Variants in C1orf146 observed in about 807,000 individuals in gnomAD.
C1orf146 encodes chromosome 1 open reading frame 146.
A neutral mutation model predicts 23.0 loss-of-function variants in C1orf146; 22 were observed. The observed-to-expected ratio is 0.96, with a 90% CI of 0.68 to 1.36. The LOEUF (loss-of-function observed/expected upper bound fraction) is 1.36, where lower values mean the gene tolerates loss of function less well. Ranked by LOEUF, C1orf146 falls within the 40% of genes most tolerant of loss-of-function variation. The probability of loss-of-function intolerance (pLI) is 0.00; values close to 1 mark genes in which losing one functional copy is unlikely to be tolerated. For synonymous variants in C1orf146, 59 were observed against 65.3 expected (o/e 0.90, Z 0.47); for missense variants, 199 against 206.8 (o/e 0.96, Z 0.23).
intron 1 of C1orf146, among the ~76,000 whole-genome samples, chr1:92,226,026 A>T (rs907566604): frequency 2.6e-5 from 4 of 152,226 alleles, no homozygotes; most frequent in African/African-American, 4.8e-5. Flanking sequence ...AAATTGAGAT[A>T]TAAGTCATGT....
At chr1:92,218,450 C>T (rs1396265257) in intron 1 of C1orf146, among the ~76,000 whole-genome samples, 1 of 152,068 alleles carries the variant, frequency 6.6e-6, no homozygotes, top group Admixed American at 6.5e-5. Context: ...TTTGCAAACA[C>T]TCCAGAGCTT....
At chr1:92,229,289 C>G (rs762497520) in intron 1 of C1orf146, 16 of 552,924 alleles carry the variant, frequency 2.9e-5, no homozygotes, top group Non-Finnish European at 5.9e-5. Flanking sequence ...CCACATCACA[C>G]TTCATGATGC....
At chr1:92,240,984 A>G (rs1366680323) in intron 2 of C1orf146, 6 of 453,452 alleles carry the variant, frequency 1.3e-5, no homozygotes, top group Non-Finnish European at 2.3e-5. Context: ...TACATGTTTT[A>G]TGACTCATCT....
At position 92,225,978 on chromosome 1, in the gene C1orf146, A is replaced by C. The variant is rs1651955755; in HGVS notation, c.-39-5404A>C. Among the ~76,000 whole-genome samples, 3 of 152,310 alleles carry C rather than the reference A, an allele frequency of 2.0e-5. No individual in the cohort carries two copies. In the South Asian group the frequency reaches 6.2e-4, roughly 32 times the overall value. ...TCTTATCCATTCACATTTTAATGTA[A>C]TTACTCAGTATTGCTGACTGCTATT... On this transcript the variant is annotated intron_variant, in intron 1 of 5. Transcript: ENST00000370375.
At chr1:92,229,779 A>G (rs1233154120) in intron 1 of C1orf146, among the ~76,000 whole-genome samples, 1 of 152,228 alleles carries the variant, frequency 6.6e-6, no homozygotes, top group Non-Finnish European at 1.5e-5. Flanking sequence ...TACATAGCCA[A>G]CAAAGGACTG....
At chr1:92,219,972 T>A (rs1651780524) in intron 1 of C1orf146, among the ~76,000 whole-genome samples, 1 of 152,248 alleles carries the variant, frequency 6.6e-6, no homozygotes, top group South Asian at 2.1e-4. Context: ...ATTATAATGC[T>A]ATTTTATTTT....
intron 1 of C1orf146, among the ~76,000 whole-genome samples, chr1:92,230,780 T>A (rs973029597): frequency 3.9e-5 from 6 of 151,920 alleles, no homozygotes; most frequent in African/African-American, 1.2e-4. Flanking sequence ...TAAAAAAAAA[T>A]GCAAATATTC....
In C1orf146 at chr1:92,242,195, GAT is replaced by G; in HGVS notation, c.67-14_67-13del. 6.9e-7 allele frequency: 1 copy of G among 1,459,248 alleles called. No individual in the cohort carries two copies. Among genetic ancestry groups the G allele is most frequent in the African/African-American group, 1.4e-5 (1 of 70,818 alleles). The allele number at this position is 1,459,248 out of a possible 1,614,324, so 90.4% of individuals were successfully genotyped here. ...AAGCATGCCTTAAATTTGTATTTCTGATATTTTTTAAAAAAGAGTTATGAAGT... is the reference window on the plus strand; with the variant it reads ...AAGCATGCCTTAAATTTGTATTTCTGATTTTTTAAAAAAGAGTTATGAAGT... On this transcript the variant is annotated splice_polypyrimidine_tract_variant and intron_variant, in intron 2 of 5. Transcript: ENST00000370375.
At chr1:92,225,997 T>C (rs996795636) in intron 1 of C1orf146, among the ~76,000 whole-genome samples, 3 of 152,224 alleles carry the variant, frequency 2.0e-5, no homozygotes, top group Admixed American at 2.0e-4. Flanking sequence ...TATTGCTGAC[T>C]GCTATTTAAA....
At chr1:92,237,022 C>T (rs1652295241) in intron 2 of C1orf146, among the ~76,000 whole-genome samples, 1 of 152,102 alleles carries the variant, frequency 6.6e-6, no homozygotes, top group Non-Finnish European at 1.5e-5. Flanking sequence ...AAATTTTTTT[C>T]AAAGTTTTTA....
At chr1:92,228,451 T>G (rs536336297) in intron 1 of C1orf146, among the ~76,000 whole-genome samples, 3 of 152,334 alleles carry the variant, frequency 2.0e-5, no homozygotes, top group South Asian at 2.1e-4. Flanking sequence ...TGCAAAATTA[T>G]AACACTAATT....
At chr1:92,225,749 C>G (rs940818094) in intron 1 of C1orf146, among the ~76,000 whole-genome samples, 1 of 151,748 alleles carries the variant, frequency 6.6e-6, no homozygotes, top group African/African-American at 2.4e-5. Context: ...ATATATTGAC[C>G]TTTTTATCAT....
At chr1:92,219,496 C>CTTT (rs71091269) in intron 1 of C1orf146, among the ~76,000 whole-genome samples, 3,772 of 81,084 alleles carry the variant, frequency 0.047, 398 homozygotes, top group African/African-American at 0.093. Flanking sequence ...CTTTCTCTTT[C>CTTT]TTTTTTTTTT....
intron 3 of C1orf146, 72 bp from the exon 4 acceptor site, chr1:92,244,145 T>C (rs1405914012): frequency 1.9e-6 from 2 of 1,067,154 alleles, no homozygotes; most frequent in African/African-American, 1.6e-5. Flanking sequence ...TTATTTTGGT[T>C]GATTTTGAGT....
intron 2 of C1orf146, among the ~76,000 whole-genome samples, chr1:92,234,855 G>A (rs1270477188): frequency 1.3e-5 from 2 of 152,228 alleles, no homozygotes; most frequent in Non-Finnish European, 2.9e-5. Context: ...TGTATGTGTC[G>A]AGGAATTTAT....
At chr1:92,229,363 C>T in intron 1 of C1orf146, 4 of 544,004 alleles carry the variant, frequency 7.4e-6, no homozygotes, top group Non-Finnish European at 1.5e-5. Flanking sequence ...TGGAACAGCA[C>T]CTCCGGACAC....
chr1:92,220,866 A>T (rs1194193979), intron 1 of C1orf146, among the ~76,000 whole-genome samples: 1 of 152,226 alleles, frequency 6.6e-6, no homozygotes, highest in Non-Finnish European at 1.5e-5. Flanking sequence ...CTTAGTACAG[A>T]TCACATGCAT....
intron 2 of C1orf146, among the ~76,000 whole-genome samples, chr1:92,239,163 T>C (rs189863929): frequency 2.6e-3 from 390 of 152,352 alleles, no homozygotes; most frequent in African/African-American, 9.1e-3. Context: ...TTTATCTTCT[T>C]GATCATAGTA....
At chr1:92,221,980 A>C (rs1651826994) in intron 1 of C1orf146, among the ~76,000 whole-genome samples, 1 of 152,172 alleles carries the variant, frequency 6.6e-6, no homozygotes, top group South Asian at 2.1e-4. Context: ...GGTGACTCAC[A>C]CCTGTAATCC....
Sources: gnomAD v4.1 joint callset for allele counts (sites outside exome capture counted in the v4.1 genomes callset) on GRCh38, gnomAD v4.1.1 for gene constraint, MANE v1.5 for transcripts, NCBI Gene and HGNC (gene_info 2026-07-23, HGNC 2026-07-21) for gene names.